Variants in CTNND2 observed in about 807,000 individuals in gnomAD.
CTNND2 encodes the protein catenin delta 2.
In CTNND2, 22 loss-of-function variants were observed where a neutral mutation model predicts 144.4. The observed-to-expected ratio is 0.15, with a 90% CI of 0.11 to 0.22. The LOEUF is 0.22. CTNND2 is among the 10% of genes least tolerant of loss of function. The pLI is 1.00. For missense variants in CTNND2, 1,353 were observed against 1,618.8 expected (o/e 0.84, Z 2.82); for synonymous variants, 751 against 695.6 (o/e 1.08, Z -1.25).
chr5:11,139,254 C>T (rs989552458), intron 12 of CTNND2, among the ~76,000 whole-genome samples: 1 of 152,184 alleles, frequency 6.6e-6, no homozygotes, highest in Non-Finnish European at 1.5e-5. Context: ...AGCGACCACA[C>T]CCGGCCAGAA....
intron 16 of CTNND2, among the ~76,000 whole-genome samples, chr5:11,039,840 T>C (rs896798334): frequency 1.3e-5 from 2 of 152,096 alleles, no homozygotes; most frequent in Non-Finnish European, 2.9e-5. Flanking sequence ...GGCTGGTAGA[T>C]TGCATGAGGT....
chr5:11,395,242 C>T lies in CTNND2; in HGVS notation c.612+1789G>A, dbSNP rs61749801. Among the ~76,000 whole-genome samples the T allele has an allele frequency of 2.8e-3, 423 of 152,254 alleles. 2 individuals are homozygous for T. Among genetic ancestry groups the T allele is most frequent in the African/African-American group, 8.8e-3 (367 of 41,540 alleles). On this transcript the variant is annotated intron_variant, in intron 6 of 21. Coordinates refer to ENST00000304623, the MANE Select transcript of CTNND2 (RefSeq NM_001332.4). ...TCTGACATTACATTGAAGTCACAGG[C>T]GCTACAGAATATTCAATAAGCATCC... is the stretch of plus-strand genomic sequence containing the variant.
intron 6 of CTNND2, chr5:11,385,627 C>T (rs1759006634): frequency 6.6e-6 from 1 of 152,152 alleles, no homozygotes; most frequent in South Asian, 2.1e-4. Context: ...GAAATTCGGG[C>T]AGTAAATCTT....
At chr5:11,874,838 C>T (rs751381479) in intron 1 of CTNND2, among the ~76,000 whole-genome samples, 11 of 152,174 alleles carry the variant, frequency 7.2e-5, no homozygotes, top group Non-Finnish European at 1.2e-4. Context: ...ATACCACAAT[C>T]CCTTACCCAG....
chr5:11,636,116 C>G (rs1226568089), intron 2 of CTNND2, among the ~76,000 whole-genome samples: 2 of 151,624 alleles, frequency 1.3e-5, no homozygotes, highest in East Asian at 3.9e-4. Context: ...AACCCACCCC[C>G]TTAAATAAGC....
chr5:11,131,450 C>G (rs1755586326), intron 12 of CTNND2, among the ~76,000 whole-genome samples: 1 of 152,152 alleles, frequency 6.6e-6, no homozygotes, highest in African/African-American at 2.4e-5. Flanking sequence ...TTAAGATTTT[C>G]AAGATCTGGC....
At chr5:11,625,150 G>T (rs1014036426) in intron 2 of CTNND2, among the ~76,000 whole-genome samples, 4 of 152,070 alleles carry the variant, frequency 2.6e-5, no homozygotes, top group Admixed American at 2.6e-4. Context: ...AAATTGCTAT[G>T]AATCAGTGTA....
At chr5:11,071,800 G>T (rs547946717) in intron 16 of CTNND2, among the ~76,000 whole-genome samples, 21 of 152,082 alleles carry the variant, frequency 1.4e-4, no homozygotes, top group African/African-American at 4.8e-4. Context: ...AATGCTGAGG[G>T]GTAGTAAAGA....
chr5:11,797,384 A>G (rs1438867466), intron 1 of CTNND2, among the ~76,000 whole-genome samples: 1 of 152,182 alleles, frequency 6.6e-6, no homozygotes, highest in Non-Finnish European at 1.5e-5. Flanking sequence ...GGCAAGGATA[A>G]GTGGAATTAA....
intron 20 of CTNND2, among the ~76,000 whole-genome samples, chr5:10,982,304 T>C (rs1459220936): frequency 6.6e-6 from 1 of 152,260 alleles, no homozygotes; most frequent in Non-Finnish European, 1.5e-5. Context: ...GTTCATTTCT[T>C]ACAGACCCAA....
At chr5:11,757,863 G>A (rs1789038425) in intron 1 of CTNND2, among the ~76,000 whole-genome samples, 1 of 151,818 alleles carries the variant, frequency 6.6e-6, no homozygotes, top group Non-Finnish European at 1.5e-5. Flanking sequence ...TACATCCAAT[G>A]TAAAAAGTCA....
At chr5:11,366,645 T>C (rs1757005808) in intron 7 of CTNND2, among the ~76,000 whole-genome samples, 1 of 150,412 alleles carries the variant, frequency 6.6e-6, no homozygotes, top group South Asian at 2.1e-4. Flanking sequence ...CCTGAAGGTT[T>C]TGAAAATATT....
At chr5:11,498,788 A>G (rs1294617174) in intron 3 of CTNND2, among the ~76,000 whole-genome samples, 3 of 152,258 alleles carry the variant, frequency 2.0e-5, no homozygotes, top group Non-Finnish European at 4.4e-5. Context: ...TTTAAAGCAT[A>G]TCTTTTAACA....
intron 8 of CTNND2, among the ~76,000 whole-genome samples, chr5:11,359,145 A>G (rs1756193151): frequency 6.6e-6 from 1 of 152,216 alleles, no homozygotes; most frequent in Non-Finnish European, 1.5e-5. Flanking sequence ...CCACAAGCAA[A>G]TTCATGAGGC....
In CTNND2 at chr5:11,240,224, AAC is replaced by A. The variant is rs1491331730; in HGVS notation, c.1629-3403_1629-3402del. The stretch of plus-strand genomic sequence containing the variant: ...ACACACACCCCCAACACACACACCC[AAC>A]ACACACACACCAACACACACACTCA... On this transcript the variant is annotated intron_variant, in intron 9 of 21. Coordinates refer to ENST00000304623, the MANE Select transcript of CTNND2 (RefSeq NM_001332.4). Among the ~76,000 whole-genome samples the A allele has an allele frequency of 7.7e-4, 83 of 107,970 alleles. 3 individuals carry two copies. Among genetic ancestry groups the A allele is most frequent in the Admixed American group, 4.3e-3 (41 of 9,494 alleles). The allele number at this position is 107,970 out of a possible 152,430, so 70.8% of individuals were successfully genotyped here. A position where few individuals can be genotyped will look rare whatever the true frequency, so the allele number is the denominator to read the frequency against.
intron 7 of CTNND2, among the ~76,000 whole-genome samples, chr5:11,373,381 G>A (rs1160949904): frequency 6.6e-6 from 1 of 152,136 alleles, no homozygotes; most frequent in Non-Finnish European, 1.5e-5. Flanking sequence ...TCTGGGTCAG[G>A]GTGGATATTT....
intron 9 of CTNND2, among the ~76,000 whole-genome samples, chr5:11,239,852 G>A (rs1172436814): frequency 2.6e-5 from 4 of 152,318 alleles, no homozygotes; most frequent in East Asian, 1.9e-4. Flanking sequence ...GGATGACACC[G>A]TCATGCTGTG....
chr5:11,638,165 A>C lies in CTNND2; in HGVS notation c.175-73109T>G, dbSNP rs900747675. Among the ~76,000 whole-genome samples, 94 of 152,036 alleles carry C rather than the reference A, an allele frequency of 6.2e-4. 1 individual carries two copies. Among genetic ancestry groups the C allele is most frequent in the Admixed American group, 1.8e-3 (28 of 15,274 alleles). On this transcript the variant is annotated intron_variant, in intron 2 of 21. Transcript: ENST00000304623. Reference sequence around the variant, plus strand: ...TCTGGGTAATTAATGGCTTGTGCCCATGCCTGTGTTACCTCTCTTCTCCAC... The same window carrying C: ...TCTGGGTAATTAATGGCTTGTGCCCCTGCCTGTGTTACCTCTCTTCTCCAC...
At chr5:11,265,832 CT>C (rs1441304311) in intron 9 of CTNND2, among the ~76,000 whole-genome samples, 2 of 151,566 alleles carry the variant, frequency 1.3e-5, no homozygotes, top group Non-Finnish European at 2.9e-5. Context: ...CTGCCTCAGC[CT>C]CCCGAGTAGA....
Sources: gnomAD v4.1 joint callset for allele counts (sites outside exome capture counted in the v4.1 genomes callset) on GRCh38, gnomAD v4.1.1 for gene constraint, MANE v1.5 for transcripts, NCBI Gene and HGNC (gene_info 2026-07-23, HGNC 2026-07-21) for gene names.